Variants in ATP8B3 observed in about 807,000 individuals in gnomAD.
The protein encoded by ATP8B3 is phospholipid-transporting ATPase IK.
ATP8B3 carries 141 observed loss-of-function variants against 140.9 expected under a neutral mutation model. The observed-to-expected ratio is 1.00, with a 90% CI of 0.87 to 1.15. The LOEUF (loss-of-function observed/expected upper bound fraction) is 1.15. Among genes scored for constraint, ATP8B3 ranks in the 50% most tolerant of loss-of-function variants. The probability of loss-of-function intolerance (pLI) is 0.00; values close to 1 mark genes in which losing one functional copy is unlikely to be tolerated. For missense variants in ATP8B3, 1,874 were observed against 1,740.6 expected (o/e 1.08, Z -1.36); for synonymous variants, 765 against 714.6 (o/e 1.07, Z -1.13).
chr19:1,789,652 C>T lies in ATP8B3; in HGVS notation c.2554G>A (p.Glu852Lys), dbSNP rs1442730136. 1.9e-6 allele frequency: 3 copies of T among 1,599,928 alleles called. No homozygotes were observed. In the East Asian group the frequency reaches 6.7e-5, roughly 36 times the overall value. Residue 852 changes from glutamate to lysine, a missense_variant, in exon 23 of 29, where the codon GAG becomes AAG. By Grantham distance (56) the Glu-to-Lys change is moderately conservative. Coordinates refer to ENST00000310127, the MANE Select transcript of ATP8B3 (RefSeq NM_138813.4). Reference protein sequence around the residue: ...QNVNMDEAWQELGQSRRDFLY... With the variant: ...QNVNMDEAWQKLGQSRRDFLY... ...AAATCCCTCCTGGACTGGCCGAGCT[C>T]CTGCCACGCCTCGTCCATGTTCACG...
rs1304796559 is a variant in ATP8B3, at chr19:1,806,363, G to A, written c.678-194C>T. ...CACGCTCCCACCCAGTGACCTCCAG[G>A]GTCCTGCACCCACGTCCTCTTCAGA... On this transcript the variant is annotated intron_variant, in intron 7 of 28. Coordinates refer to ENST00000310127, the MANE Select transcript of ATP8B3 (RefSeq NM_138813.4). The surrounding 1 kb of genome is among the most constrained non-coding windows in gnomAD (Gnocchi z 5.6). 9.0e-6 allele frequency: 13 copies of A among 1,448,078 alleles called. No individual in the cohort carries two copies. The highest frequency in any genetic ancestry group is 1.2e-5 in the Non-Finnish European group (13 of 1,107,400). 89.7% of individuals were successfully genotyped at this position (1,448,078 alleles called of 1,614,324 possible).
intron 5 of ATP8B3, 93 bp downstream of exon 5, chr19:1,808,129 G>T: frequency 1.0e-6 from 1 of 1,003,184 alleles, no homozygotes; most frequent in Non-Finnish European, 1.5e-6. Context: ...AGTCTGTGGG[G>T]AGTGGGACGT....
Position 1,806,111 on chromosome 19 carries a change from C to G in ATP8B3, c.736G>C (p.Asp246His). 6.2e-7 allele frequency: 1 copy of G among 1,603,188 alleles called. No individual in the cohort carries two copies. The highest frequency in any genetic ancestry group is 8.5e-7 in the Non-Finnish European group (1 of 1,175,358). ...CVGDVVCLRK[D>H]NIVPADMLLL... ...CCCCAGCTCACTGGGACGATGTTGTCCTTGCGGAGACAGACCACATCCCCC... is the reference window on the plus strand; with the variant it reads ...CCCCAGCTCACTGGGACGATGTTGTGCTTGCGGAGACAGACCACATCCCCC... Residue 246 changes from aspartate to histidine, a missense_variant, in exon 8 of 29, where the codon GAC becomes CAC. Asp to His is a moderately conservative substitution (Grantham distance 81). Coordinates refer to ENST00000310127, the MANE Select transcript of ATP8B3 (RefSeq NM_138813.4). This position sits in a 1 kb window ranked among gnomAD's most constrained non-coding sequence, Gnocchi z 5.6.
rs564581551 is a variant in ATP8B3, at chr19:1,807,031, C to T, written c.615+137G>A. 51 of 783,618 alleles carry T rather than the reference C, an allele frequency of 6.5e-5. No individual in the cohort carries two copies. The South Asian group carries it at 8.0e-4, about 12-fold the overall frequency. 48.5% of individuals were successfully genotyped at this position (783,618 alleles called of 1,614,324 possible). On this transcript the variant is annotated intron_variant, in intron 6 of 28. Coordinates refer to ENST00000310127, the MANE Select transcript of ATP8B3 (RefSeq NM_138813.4). This position sits in a 1 kb window ranked among gnomAD's most constrained non-coding sequence, Gnocchi z 5.9. ...GCAGATAAGGACAATGTAGCCCCAG[C>T]AGCTGAGGCTCCCAGGCCCACGTTC...
chr19:1,796,088 A>C lies in ATP8B3; in HGVS notation c.1931T>G (p.Met644Arg). The C allele has an allele frequency of 6.2e-7, 1 of 1,612,840 alleles. No individual in the cohort carries two copies. Among genetic ancestry groups the C allele is most frequent in the Non-Finnish European group, 8.5e-7 (1 of 1,179,774 alleles). The change falls in exon 17 of 29, where the codon ATG becomes AGG. Residue 644 changes from methionine to arginine, a missense_variant. Physicochemically the swap from Met to Arg is moderately conservative, Grantham distance 91 (BLOSUM62 -1). This residue lies in a region of ATP8B3 where 1,032 missense variants were observed against 963.6 expected (regional missense o/e 1.07). Transcript: ENST00000310127. ...GTGGCGGGGCTCACCCAGCACCGACATCCGTTTGCGCGTGCTGTTGAAGTC... is the reference window on the plus strand; with the variant it reads ...GTGGCGGGGCTCACCCAGCACCGACCTCCGTTTGCGCGTGCTGTTGAAGTC... Reference protein sequence around the residue: ...IMDFNSTRKRMSVLVRKPEGA... With the variant: ...IMDFNSTRKRRSVLVRKPEGA...
intron 11 of ATP8B3, 69 bp downstream of exon 11, chr19:1,802,418 C>A: frequency 3.0e-6 from 2 of 664,278 alleles, no homozygotes; most frequent in Non-Finnish European, 4.7e-6. Context: ...CCCACCCACC[C>A]ATCCCCACAT....
At chr19:1,795,739 T>G in intron 18 of ATP8B3, 136 bp downstream of exon 18, 2 of 864,144 alleles carry the variant, frequency 2.3e-6, no homozygotes, top group Non-Finnish European at 3.6e-6. Flanking sequence ...CAGCCTTCCA[T>G]TTCTCCGTAC....
chr19:1,799,841 G>A (rs1206639762), intron 14 of ATP8B3, 106 bp downstream of exon 14: 17 of 1,156,448 alleles, frequency 1.5e-5, no homozygotes, highest in Admixed American at 1.4e-4. Flanking sequence ...GTTCAGATTC[G>A]GGCGGAGGTG....
rs774440640 is a variant in ATP8B3 at position 1,789,502 on chromosome 19, G to C, written c.2704C>G (p.Leu902Val). Residue 902 changes from leucine (L) to valine (V), a missense_variant, in exon 23 of 29, where the codon CTG becomes GTG. Physicochemically the swap from Leu to Val is conservative, Grantham distance 32. Around this residue, in one of 3 missense-constraint regions of ATP8B3, gnomAD observed 840 missense variants for 760.9 expected, o/e 1.10. Transcript: ENST00000310127. ...EVLQERAFVD[L>V]ASKCQAVICC... Reference sequence around the variant, plus strand: ...ATGACCGCCTGGCACTTGGACGCCAGGTCCACGAAGGCGCGCTCCTGCAGC... The same window carrying C: ...ATGACCGCCTGGCACTTGGACGCCACGTCCACGAAGGCGCGCTCCTGCAGC... 69 of 1,597,988 alleles carry C rather than the reference G, an allele frequency of 4.3e-5. No individual in the cohort carries two copies. Among genetic ancestry groups the C allele is most frequent in the Non-Finnish European group, 2.0e-5 (23 of 1,179,160 alleles).
rs1382984645 is a variant in ATP8B3 at position 1,797,116 on chromosome 19, A to G, written c.1553-111T>C. On this transcript the variant is annotated intron_variant, in intron 14 of 28. Coordinates refer to ENST00000310127, the MANE Select transcript of ATP8B3 (RefSeq NM_138813.4). ...CCGGGGGCCACTGGTGCAGCCACAC[A>G]AGCCAGGCCTGTGGCCCTGGAACCG... 4.6e-6 allele frequency: 7 copies of G among 1,518,064 alleles called. No homozygotes were observed. In the African/African-American group the frequency reaches 8.3e-5, roughly 18 times the overall value. The allele number at this position is 1,518,064 out of a possible 1,614,324, so 94.0% of individuals were successfully genotyped here.
At position 1,794,286 on chromosome 19, in the gene ATP8B3, A is replaced by T. The variant is rs939248449; in HGVS notation, c.2055+1589T>A. Among the ~76,000 whole-genome samples the T allele has an allele frequency of 6.6e-6, 1 of 152,012 alleles. No individual in the cohort carries two copies. Among genetic ancestry groups the T allele is most frequent in the African/African-American group, 2.4e-5 (1 of 41,376 alleles). On this transcript the variant is annotated intron_variant, in intron 18 of 28. Transcript: ENST00000310127. This position sits in a 1 kb window ranked among gnomAD's most constrained non-coding sequence, Gnocchi z 4.8. Reference sequence around the variant, plus strand: ...CATTGGCAGCCTCCGACAGGCCTTGACCCTTCTTCCGGCCTCAATTTACCC... The same window carrying T: ...CATTGGCAGCCTCCGACAGGCCTTGTCCCTTCTTCCGGCCTCAATTTACCC...
At chr19:1,801,121 C>T (rs889679037) in intron 12 of ATP8B3, among the ~76,000 whole-genome samples, 1 of 151,718 alleles carries the variant, frequency 6.6e-6, no homozygotes, top group African/African-American at 2.4e-5. Flanking sequence ...AGCCACTGCA[C>T]CCAGCCGAAA....
At position 1,800,731 on chromosome 19, in the gene ATP8B3, C is replaced by G. The variant is rs573564386; in HGVS notation, c.1153-282G>C. Among the ~76,000 whole-genome samples the G allele has an allele frequency of 6.6e-6, 1 of 152,046 alleles. No individual in the cohort carries two copies. Among genetic ancestry groups the G allele is most frequent in the Non-Finnish European group, 1.5e-5 (1 of 68,014 alleles). On this transcript the variant is annotated intron_variant, in intron 12 of 28. Transcript: ENST00000310127. This position sits in a 1 kb window ranked among gnomAD's most constrained non-coding sequence, Gnocchi z 4.4. ...TCTCAGCTGCTCAGAAGGCTGAGGC[C>G]GAGGATCGCTTGAGCCCAGGAGGCT...
At chr19:1,812,154 G>A (rs1568668081) in intron 1 of ATP8B3, 32 bp downstream of exon 1, 1 of 167,208 alleles carries the variant, frequency 6.0e-6, no homozygotes, top group East Asian at 1.7e-4. Flanking sequence ...GGCTCCCGGG[G>A]ACGCACAGCA....
At position 1,782,322 on chromosome 19, in the gene ATP8B3, A is replaced by AATTGTGCCCT; in HGVS notation, c.*705_*706insAGGGCACAAT. The AATTGTGCCCT allele has an allele frequency of 5.9e-6, 2 of 337,290 alleles. No individual in the cohort carries two copies. Among genetic ancestry groups the AATTGTGCCCT allele is most frequent in the Non-Finnish European group, 1.1e-5 (2 of 184,486 alleles). 20.9% of individuals were successfully genotyped at this position (337,290 alleles called of 1,614,324 possible). On this transcript the variant is annotated 3_prime_UTR_variant, in exon 29 of 29. Transcript: ENST00000310127. ...TGCTGAACCCTGGTCCCCTCCGCAGAGGGCAATGACTGCTCCTCTGGGGGC... is the reference window on the plus strand; with the variant it reads ...TGCTGAACCCTGGTCCCCTCCGCAGAATTGTGCCCTGGGCAATGACTGCTCCTCTGGGGGC...
In ATP8B3 at chr19:1,797,013, A is replaced by T. The variant is rs372205991; in HGVS notation, c.1553-8T>A. 2.3e-5 allele frequency: 37 copies of T among 1,612,934 alleles called. No homozygotes were observed. The highest frequency in any genetic ancestry group is 3.4e-6 in the Non-Finnish European group (4 of 1,179,812). On this transcript the variant is annotated splice_region_variant and splice_polypyrimidine_tract_variant and intron_variant, in intron 14 of 28. Transcript: ENST00000310127. ...TGGCCTCTGAATCCGGCCCTGGGGA[A>T]AGACACAGCTTCCTGCTTCAGCTCC...
intron 26 of ATP8B3, 73 bp from the exon 27 acceptor site, chr19:1,785,370 G>C: frequency 1.3e-6 from 2 of 1,552,442 alleles, no homozygotes; most frequent in Non-Finnish European, 1.7e-6. Flanking sequence ...CTGGGGTCCA[G>C]GAAGGGCACC....
In ATP8B3 at chr19:1,807,384, G is replaced by T; in HGVS notation, c.517-118C>A. 1.3e-6 allele frequency: 1 copy of T among 791,368 alleles called. No homozygotes were observed. The highest frequency in any genetic ancestry group is 2.1e-6 in the Non-Finnish European group (1 of 482,808). 49.0% of individuals were successfully genotyped at this position (791,368 alleles called of 1,614,324 possible). A position where few individuals can be genotyped will look rare whatever the true frequency, so the allele number is the denominator to read the frequency against. ...ACGTGACACATCTGCTGGCCACCTTGACCGGGGTCCAGCCATCTCCTGCAA... is the reference window on the plus strand; with the variant it reads ...ACGTGACACATCTGCTGGCCACCTTTACCGGGGTCCAGCCATCTCCTGCAA... On this transcript the variant is annotated intron_variant, in intron 5 of 28. Transcript: ENST00000310127. This position sits in a 1 kb window ranked among gnomAD's most constrained non-coding sequence, Gnocchi z 5.9.
Position 1,789,604 on chromosome 19 carries a change from G to A in ATP8B3, c.2602C>T (p.Leu868=), listed in dbSNP as rs777481707. 15 of 1,592,868 alleles carry A rather than the reference G, an allele frequency of 9.4e-6. No homozygotes were observed. The highest frequency in any genetic ancestry group is 6.0e-6 in the Non-Finnish European group (7 of 1,174,150). Residue 868 remains leucine, a synonymous_variant, in exon 23 of 29, where the codon CTG becomes TTG. Coordinates refer to ENST00000310127, the MANE Select transcript of ATP8B3 (RefSeq NM_138813.4). ...RDFLYARRLS[L]LCRRFGLPLA... ...GGGAGCCCGAACCTCCGGCACAGCA[G>A]GGACAGGCGCCTGGCGTAGAGGAAA... is the stretch of plus-strand genomic sequence containing the variant.
Sources: allele counts gnomAD v4.1 joint callset (sites outside exome capture counted in the v4.1 genomes callset), GRCh38; gene constraint gnomAD v4.1.1; regional missense constraint gnomAD v4.1.1; non-coding constraint Gnocchi (gnomAD v3.1); transcripts MANE v1.5; gene names NCBI Gene and HGNC (gene_info 2026-07-23, HGNC 2026-07-21).